CES5A: variants seen among roughly 807,000 people sequenced by gnomAD.
The protein encoded by CES5A is carboxylesterase 5A.
Under a neutral mutation model 62.9 loss-of-function variants are expected in CES5A, and 67 were observed. The observed-to-expected ratio is 1.07, with a 90% confidence interval of 0.88 to 1.31. The LOEUF is 1.31. Among genes scored for constraint, CES5A ranks in the 50% most tolerant of loss-of-function variants. The probability of loss-of-function intolerance (pLI) is 0.00; values close to 1 mark genes in which losing one functional copy is unlikely to be tolerated. For missense variants in CES5A, 748 were observed against 708.5 expected, an observed-to-expected ratio of 1.06 and a Z score of -0.63; for synonymous variants, 296 against 280.8, an observed-to-expected ratio of 1.05 and a Z score of -0.54.
chr16:55,880,118 C>A (rs1217168424), upstream of CES5A, among the ~76,000 whole-genome samples: 1 of 152,192 alleles, frequency 6.6e-6, no homozygotes, highest in African/African-American at 2.4e-5. Flanking sequence ...TGTGATCTCT[C>A]ATGCAGGTCA....
intron 2 of CES5A, among the ~76,000 whole-genome samples, chr16:55,941,966 GT>G (rs1309486759): frequency 2.6e-5 from 4 of 152,012 alleles, no homozygotes; most frequent in Non-Finnish European, 4.4e-5. Flanking sequence ...CTTCCAAGGC[GT>G]TAAGTCAGTT....
chr16:55,866,658 TA>T (rs369679801), intron 4 of CES5A, among the ~76,000 whole-genome samples: 988 of 82,836 alleles, frequency 0.012, 16 homozygotes, highest in African/African-American at 0.025. Flanking sequence ...CTGTCTCTGC[TA>T]AAAAAAAAAA....
At chr16:55,892,730 A>G (rs1211950594) in intron 1 of CES5A, among the ~76,000 whole-genome samples, 2 of 152,102 alleles carry the variant, frequency 1.3e-5, no homozygotes, top group Non-Finnish European at 2.9e-5. Flanking sequence ...ACAACAAAAA[A>G]AAATAGTGGA....
chr16:55,871,106 A>T (rs16955836), intron 3 of CES5A, among the ~76,000 whole-genome samples: 4,036 of 152,288 alleles, frequency 0.027, 178 homozygotes, highest in African/African-American at 0.089. Context: ...ATGATACAAG[A>T]CAGCCAGTTT....
At chr16:55,952,888 TA>T (rs1427987015) in intron 1 of CES5A, among the ~76,000 whole-genome samples, 1 of 152,024 alleles carries the variant, frequency 6.6e-6, no homozygotes, top group Non-Finnish European at 1.5e-5. Flanking sequence ...TGGAAGAAGA[TA>T]AAAACTACTC....
upstream of CES5A, among the ~76,000 whole-genome samples, chr16:55,929,435 A>G (rs2142467386): frequency 6.6e-6 from 1 of 152,266 alleles, no homozygotes; most frequent in African/African-American, 2.4e-5. Flanking sequence ...GCATTCAGAC[A>G]ATCTGGCTGC....
intron 1 of CES5A, among the ~76,000 whole-genome samples, chr16:55,916,705 C>T (rs2034151575): frequency 6.6e-6 from 1 of 152,184 alleles, no homozygotes; most frequent in East Asian, 1.9e-4. Flanking sequence ...CCAAGAACCA[C>T]ACAGGAAAGT....
In CES5A at chr16:55,854,607, T is replaced by A. The variant is rs534340050; in HGVS notation, c.1126-1579A>T. ...CCCAGGCTAGAGTACAGTGGCGAGA[T>A]CCTGCAGCTTCAAATTCCCAGGCTC... On this transcript the variant is annotated intron_variant, in intron 9 of 12. Coordinates refer to ENST00000290567, the MANE Select transcript of CES5A (RefSeq NM_001143685.2). Among the ~76,000 whole-genome samples the A allele has an allele frequency of 2.1e-5, 3 of 142,510 alleles. No homozygotes were observed. The Admixed American group carries it at 2.2e-4, about 11-fold the overall frequency. 93.5% of individuals were successfully genotyped at this position (142,510 alleles called of 152,430 possible).
chr16:55,892,727 A>C (rs183826415), intron 1 of CES5A, among the ~76,000 whole-genome samples: 4,213 of 152,124 alleles, frequency 0.028, 86 homozygotes, highest in Non-Finnish European at 0.038. Flanking sequence ...ACAACAACAA[A>C]AAAAAATAGT....
chr16:55,897,194 A>G (rs2033943039), intron 1 of CES5A, among the ~76,000 whole-genome samples: 1 of 151,984 alleles, frequency 6.6e-6, no homozygotes, highest in Non-Finnish European at 1.5e-5. Flanking sequence ...ATCCAACCCC[A>G]GGGTACCACT....
chr16:55,892,972 T>C (rs1160775930), intron 1 of CES5A, among the ~76,000 whole-genome samples: 1 of 152,152 alleles, frequency 6.6e-6, no homozygotes, highest in East Asian at 1.9e-4. Context: ...AAAAATCACC[T>C]AAACTTCTAA....
intron 8 of CES5A, 92 bp from the exon 9 acceptor site, chr16:55,856,537 G>C: frequency 8.3e-7 from 1 of 1,211,658 alleles, no homozygotes. Flanking sequence ...TTTCACAGGG[G>C]AAGTTGGATA....
At chr16:55,870,262 G>A (rs188757530) in intron 3 of CES5A, among the ~76,000 whole-genome samples, 9 of 151,882 alleles carry the variant, frequency 5.9e-5, no homozygotes, top group Admixed American at 3.3e-4. Flanking sequence ...GAGGAGGGGA[G>A]GGGAGAAAAG....
At chr16:55,954,406 T>C (rs957090532) in intron 1 of CES5A, among the ~76,000 whole-genome samples, 21 of 152,194 alleles carry the variant, frequency 1.4e-4, no homozygotes, top group African/African-American at 5.1e-4. Flanking sequence ...AAGCTTCTCA[T>C]AGTCGGTCCT....
At chr16:55,955,431 C>T (rs1477283530) in intron 1 of CES5A, among the ~76,000 whole-genome samples, 1 of 152,184 alleles carries the variant, frequency 6.6e-6, no homozygotes, top group Non-Finnish European at 1.5e-5. Context: ...ATTGTTTTCA[C>T]TCACAGTAAT....
chr16:55,937,380 T>C (rs2034387726), intron 2 of CES5A, among the ~76,000 whole-genome samples: 2 of 152,194 alleles, frequency 1.3e-5, no homozygotes, highest in Admixed American at 1.3e-4. Flanking sequence ...CCAACCCTTG[T>C]TGATGATAAA....
At chr16:55,891,874 GA>G (rs1174202425) in intron 1 of CES5A, among the ~76,000 whole-genome samples, 2 of 152,026 alleles carry the variant, frequency 1.3e-5, no homozygotes, top group African/African-American at 4.8e-5. Flanking sequence ...ACGTGACAAA[GA>G]AGAAAACAAA....
chr16:55,929,144 G>A (rs987829442), upstream of CES5A, among the ~76,000 whole-genome samples: 11 of 152,198 alleles, frequency 7.2e-5, no homozygotes, highest in African/African-American at 9.7e-5. Context: ...GGAGGTGAGC[G>A]GGTCACGTGG....
At chr16:55,918,154 G>C (rs1350285382) in intron 1 of CES5A, among the ~76,000 whole-genome samples, 1 of 152,104 alleles carries the variant, frequency 6.6e-6, no homozygotes, top group East Asian at 1.9e-4. Flanking sequence ...TTTGTGTCCA[G>C]CTTGTCTTTC....
Sources: gnomAD v4.1 joint callset for allele counts (sites outside exome capture counted in the v4.1 genomes callset) on GRCh38, gnomAD v4.1.1 for gene constraint, MANE v1.5 for transcripts, NCBI Gene and HGNC (gene_info 2026-07-23, HGNC 2026-07-21) for gene names.